The following MTA3 variants were observed in gnomAD, a reference collection of about 807,000 sequenced individuals.
The protein encoded by MTA3 is metastasis-associated protein MTA3.
In MTA3, 34 loss-of-function variants were observed where a neutral mutation model predicts 83.5. The observed-to-expected ratio is 0.41, with a 90% CI of 0.31 to 0.54. MTA3 has a LOEUF of 0.54. MTA3 is among the 20% of genes least tolerant of loss of function. The pLI is 0.33. For synonymous variants in MTA3, 303 were observed against 252.7 expected, an observed-to-expected ratio of 1.20 and a Z score of -1.89; for missense variants, 761 against 726.4, an observed-to-expected ratio of 1.05 and a Z score of -0.55.
Position 42,545,400 on chromosome 2 carries a change from A to G in MTA3, c.-140-25037A>G, listed in dbSNP as rs114075952. On this transcript the variant is annotated intron_variant, in intron 2 of 17. Transcript: ENST00000405592. Reference sequence around the variant, plus strand: ...CTCAAAAATAAAATTAGAAGAAGAAAAAAAAAGGAACCTAAGAAAACACAA... The same window carrying G: ...CTCAAAAATAAAATTAGAAGAAGAAGAAAAAAGGAACCTAAGAAAACACAA... Among the ~76,000 whole-genome samples the G allele has an allele frequency of 8.1e-3, 1,229 of 152,214 alleles. 9 individuals carry two copies. Among genetic ancestry groups the G allele is most frequent in the Admixed American group, 0.015 (223 of 15,258 alleles).
At chr2:42,733,699 G>C (rs1229006666) in intron 16 of MTA3, among the ~76,000 whole-genome samples, 1 of 152,048 alleles carries the variant, frequency 6.6e-6, no homozygotes, top group Non-Finnish European at 1.5e-5. Context: ...GGGTCTCACT[G>C]TGTTGCCCAG....
At chr2:42,720,439 C>A (rs979798118) in intron 15 of MTA3, among the ~76,000 whole-genome samples, 1 of 152,090 alleles carries the variant, frequency 6.6e-6, no homozygotes, top group African/African-American at 2.4e-5. Context: ...CCTCGGCCTC[C>A]CAGAGTGCTG....
chr2:42,538,060 G>A (rs994971454), intron 2 of MTA3, among the ~76,000 whole-genome samples: 14 of 151,780 alleles, frequency 9.2e-5, no homozygotes, highest in East Asian at 3.9e-4. Context: ...GTGAAACCCC[G>A]TCTCTACTAA....
intron 16 of MTA3, among the ~76,000 whole-genome samples, chr2:42,741,615 G>GA (rs34087140): frequency 0.72 from 108,943 of 152,016 alleles, 39,988 homozygotes; most frequent in African/African-American, 0.87. Flanking sequence ...AAGGAGAGGG[G>GA]AAAAGACAGG....
chr2:42,754,596 A>T lies in MTA3; in HGVS notation c.*1197A>T. Reference sequence around the variant, plus strand: ...AGCGCCCGATGAGCTCCCTGAGCAGATGTGAGGCTGGCAACTCCCCTGCCC... The same window carrying T: ...AGCGCCCGATGAGCTCCCTGAGCAGTTGTGAGGCTGGCAACTCCCCTGCCC... On this transcript the variant is annotated 3_prime_UTR_variant, in exon 17 of 17. Coordinates refer to ENST00000405094, the MANE Select transcript of MTA3 (RefSeq NM_001330442.2). 1 of 985,466 alleles carries T rather than the reference A, an allele frequency of 1.0e-6. No homozygotes were observed. Among genetic ancestry groups the T allele is most frequent in the Non-Finnish European group, 1.2e-6 (1 of 829,984 alleles). The allele number at this position is 985,466 out of a possible 1,614,324, so 61.0% of individuals were successfully genotyped here.
chr2:42,606,092 G>A (rs1336847205), intron 3 of MTA3, among the ~76,000 whole-genome samples: 1 of 138,244 alleles, frequency 7.2e-6, no homozygotes, highest in African/African-American at 2.7e-5. Context: ...CTCCCTCCCG[G>A]ACGGGGTGGC....
At chr2:42,633,339 T>C (rs1375729489) in intron 4 of MTA3, among the ~76,000 whole-genome samples, 5 of 151,128 alleles carry the variant, frequency 3.3e-5, no homozygotes, top group Admixed American at 6.6e-5. Flanking sequence ...ATCCCAGCAA[T>C]TGGGGGGCCA....
intron 3 of MTA3, among the ~76,000 whole-genome samples, chr2:42,592,264 A>T (rs2103943779): frequency 6.6e-6 from 1 of 150,612 alleles, no homozygotes; most frequent in East Asian, 1.9e-4. Flanking sequence ...TCTATCTCAA[A>T]AACAAAACAA....
intron 4 of MTA3, among the ~76,000 whole-genome samples, chr2:42,616,445 T>C (rs1013377311): frequency 2.6e-5 from 4 of 151,472 alleles, no homozygotes; most frequent in African/African-American, 4.9e-5. Flanking sequence ...TTAATGTTTA[T>C]TGCGGAACAT....
intron 3 of MTA3, among the ~76,000 whole-genome samples, chr2:42,594,872 GC>G (rs1175706861): frequency 7.0e-6 from 1 of 141,958 alleles, no homozygotes; most frequent in Non-Finnish European, 1.5e-5. Flanking sequence ...GACTACAAGA[GC>G]CTGCCACTAC....
chr2:42,614,479 A>G (rs979911969), intron 4 of MTA3, among the ~76,000 whole-genome samples: 2 of 152,176 alleles, frequency 1.3e-5, no homozygotes, highest in South Asian at 2.1e-4. Flanking sequence ...TTGTGCATTC[A>G]TTCATAAGTA....
intron 16 of MTA3, among the ~76,000 whole-genome samples, chr2:42,740,545 T>TCATC (rs2104581645): frequency 6.6e-6 from 1 of 152,366 alleles, no homozygotes; most frequent in East Asian, 1.9e-4. Context: ...ATCCATTCAT[T>TCATC]CATCCATCCG....
Position 42,584,385 on chromosome 2 carries a change from A to G in MTA3, c.190+5185A>G, listed in dbSNP as rs189482844. Among the ~76,000 whole-genome samples the G allele has an allele frequency of 7.0e-3, 1,065 of 152,308 alleles. 3 individuals are homozygous for G. Among genetic ancestry groups the G allele is most frequent in the Middle Eastern group, 0.017 (5 of 294 alleles). ...TTCTAAAAGGTCATAACATCTTTCA[A>G]ACTTAAAGTGTCCAAGTGTATAAGG... On this transcript the variant is annotated intron_variant, in intron 3 of 16. Coordinates refer to ENST00000405094, the MANE Select transcript of MTA3 (RefSeq NM_001330442.2).
intron 2 of MTA3, among the ~76,000 whole-genome samples, chr2:42,507,928 G>C (rs966515689): frequency 6.6e-6 from 1 of 151,130 alleles, no homozygotes; most frequent in Non-Finnish European, 1.5e-5. Flanking sequence ...CCTGAGCAAC[G>C]GCGTGAGTCT....
chr2:42,624,775 T>C lies in MTA3; in HGVS notation c.317+15191T>C, dbSNP rs113028334. 4.1e-3 allele frequency among the ~76,000 whole-genome samples: 626 copies of C among 152,366 alleles called. 9 individuals carry two copies. Among genetic ancestry groups the C allele is most frequent in the African/African-American group, 0.014 (582 of 41,584 alleles). The stretch of plus-strand genomic sequence containing the variant: ...GTAGACACTTGATACATGATCTTTC[T>C]TTGCATTGAATTTTGGGTTGAAAAT... On this transcript the variant is annotated intron_variant, in intron 4 of 16. Transcript: ENST00000405094.
chr2:42,645,175 C>CAAA (rs1224226672), intron 6 of MTA3, among the ~76,000 whole-genome samples: 19 of 39,722 alleles, frequency 4.8e-4, no homozygotes, highest in South Asian at 9.7e-4. Context: ...GACTCTGTCT[C>CAAA]AAAAAAAAAA....
chr2:42,682,163 C>T (rs1466013845), intron 8 of MTA3, among the ~76,000 whole-genome samples: 8 of 152,054 alleles, frequency 5.3e-5, no homozygotes, highest in Non-Finnish European at 1.2e-4. Flanking sequence ...GCACTCTAGC[C>T]TGGGAATAGA....
At chr2:42,600,799 G>A (rs1022480312) in intron 3 of MTA3, among the ~76,000 whole-genome samples, 4 of 151,938 alleles carry the variant, frequency 2.6e-5, no homozygotes, top group African/African-American at 4.8e-5. Flanking sequence ...CCTTGGCCTC[G>A]CAAAGTTCTG....
At chr2:42,522,449 T>A (rs553531693) in intron 2 of MTA3, among the ~76,000 whole-genome samples, 1 of 152,030 alleles carries the variant, frequency 6.6e-6, no homozygotes, top group Non-Finnish European at 1.5e-5. Flanking sequence ...TGGAATGATA[T>A]CTCTAGGCAA....
Sources: gnomAD v4.1 joint callset for allele counts (sites outside exome capture counted in the v4.1 genomes callset) on GRCh38, gnomAD v4.1.1 for gene constraint, MANE v1.5 for transcripts, NCBI Gene and HGNC (gene_info 2026-07-23, HGNC 2026-07-21) for gene names.